The following VWA8 variants were observed in gnomAD, a reference collection of about 807,000 sequenced individuals.
The protein encoded by VWA8 is von Willebrand factor A domain containing 8, also known as von Willebrand factor A domain-containing protein 8.
A neutral mutation model predicts 241.5 loss-of-function variants in VWA8; 221 were observed. That is an observed-to-expected ratio of 0.91 (90% CI 0.82 to 1.02). The LOEUF is 1.02. VWA8 is among the 50% of genes least tolerant of loss of function. The probability of loss-of-function intolerance (pLI) is 0.00; values close to 1 mark genes in which losing one functional copy is unlikely to be tolerated. For missense variants in VWA8, 2,322 were observed against 2,328.7 expected (o/e 1.00, Z 0.06); for synonymous variants, 852 against 827.1 (o/e 1.03, Z -0.52).
Position 41,691,929 on chromosome 13 carries a change from T to C in VWA8, c.3685A>G (p.Lys1229Glu). ...TTGTGTGAAAATTCTTTACACATTT[T>C]ATAAGTTTCCTAAAGACAAACAAAA... is the stretch of plus-strand genomic sequence containing the variant. ...WWNKEEAETY[K>E]MCKEFSHKNW... is the part of the protein sequence containing the mutation. Residue 1229 changes from lysine (K) to glutamate (E), a missense_variant, in exon 31 of 45, where the codon AAA becomes GAA. Transcript: ENST00000379310. 6.2e-7 allele frequency: 1 copy of C among 1,608,128 alleles called. No individual in the cohort carries two copies. Among genetic ancestry groups the C allele is most frequent in the Non-Finnish European group, 8.5e-7 (1 of 1,175,250 alleles).
chr13:41,794,085 C>CT (rs918533724), intron 17 of VWA8, among the ~76,000 whole-genome samples: 15 of 147,672 alleles, frequency 1.0e-4, no homozygotes, highest in East Asian at 6.0e-4. Flanking sequence ...TTGTCTCCAG[C>CT]TTTTTTTTTT....
At position 41,709,749 on chromosome 13, in the gene VWA8, C is replaced by T. The variant is rs531334476; in HGVS notation, c.3117-6338G>A. ...TGTGGCTCTAACTTCACATGAGTCACTCTGTCTCTCTGTCTCTCTCTCTTT... is the reference window on the plus strand; with the variant it reads ...TGTGGCTCTAACTTCACATGAGTCATTCTGTCTCTCTGTCTCTCTCTCTTT... On this transcript the variant is annotated intron_variant, in intron 26 of 44. Coordinates refer to ENST00000379310, the MANE Select transcript of VWA8 (RefSeq NM_015058.2). Among the ~76,000 whole-genome samples, 50 of 151,184 alleles carry T rather than the reference C, an allele frequency of 3.3e-4. 1 individual carries two copies. The South Asian group carries it at 0.01, about 31-fold the overall frequency.
At chr13:41,922,508 T>G (rs1176889184) in intron 2 of VWA8, among the ~76,000 whole-genome samples, 1 of 152,092 alleles carries the variant, frequency 6.6e-6, no homozygotes, top group Admixed American at 6.6e-5. Context: ...ACCTACAGAA[T>G]GGGAGAAAAT....
intron 2 of VWA8, among the ~76,000 whole-genome samples, chr13:41,944,132 T>TAATA (rs1555246630): frequency 1.3e-5 from 2 of 149,488 alleles, no homozygotes; most frequent in South Asian, 2.1e-4. Context: ...ATAATAATAA[T>TAATA]AATAAATAAA....
At chr13:41,837,222 T>C (rs1488293723) in intron 12 of VWA8, among the ~76,000 whole-genome samples, 1 of 152,100 alleles carries the variant, frequency 6.6e-6, no homozygotes, top group Admixed American at 6.5e-5. Flanking sequence ...CAATTTCTAA[T>C]AAACCTTTGC....
chr13:41,814,431 T>C (rs1870601417), intron 16 of VWA8, among the ~76,000 whole-genome samples: 1 of 152,024 alleles, frequency 6.6e-6, no homozygotes. Context: ...CTAGGCATTA[T>C]CTAAGGCAGA....
At chr13:41,876,781 C>T (rs974703292) in intron 9 of VWA8, among the ~76,000 whole-genome samples, 3 of 151,816 alleles carry the variant, frequency 2.0e-5, no homozygotes, top group South Asian at 2.1e-4. Context: ...GAAACAGTTG[C>T]TATTACTTTC....
At chr13:41,841,331 T>C (rs1428152511) in intron 12 of VWA8, among the ~76,000 whole-genome samples, 1 of 152,212 alleles carries the variant, frequency 6.6e-6, no homozygotes, top group Non-Finnish European at 1.5e-5. Context: ...GTGACTATGA[T>C]GCTAACCACT....
At chr13:41,703,637 C>A (rs1348075511) in intron 26 of VWA8, among the ~76,000 whole-genome samples, 3 of 152,138 alleles carry the variant, frequency 2.0e-5, no homozygotes, top group Non-Finnish European at 1.5e-5. Context: ...AAGGCAAGGT[C>A]CTGTTTTTAC....
chr13:41,714,048 C>T (rs986963909), intron 26 of VWA8, among the ~76,000 whole-genome samples: 5 of 151,954 alleles, frequency 3.3e-5, no homozygotes, highest in Admixed American at 3.3e-4. Flanking sequence ...AGGAAAAAGT[C>T]TAGAAGGATC....
chr13:41,745,736 A>G (rs1265309937), intron 21 of VWA8, among the ~76,000 whole-genome samples: 2 of 152,208 alleles, frequency 1.3e-5, no homozygotes, highest in Non-Finnish European at 2.9e-5. Context: ...GTGGAGAAAT[A>G]GGAACACTTT....
At chr13:41,664,678 A>C (rs992315241) in intron 37 of VWA8, among the ~76,000 whole-genome samples, 1 of 152,050 alleles carries the variant, frequency 6.6e-6, no homozygotes, top group Non-Finnish European at 1.5e-5. Flanking sequence ...TAATCTTCCA[A>C]ATTTCAGTGC....
intron 37 of VWA8, among the ~76,000 whole-genome samples, chr13:41,628,439 T>C (rs2044706813): frequency 1.3e-5 from 2 of 152,184 alleles, no homozygotes; most frequent in African/African-American, 4.8e-5. Context: ...AAAGTGCATA[T>C]AAATTATGCA....
intron 26 of VWA8, among the ~76,000 whole-genome samples, chr13:41,717,114 T>C (rs1258613425): frequency 6.6e-6 from 1 of 151,918 alleles, no homozygotes; most frequent in Non-Finnish European, 1.5e-5. Flanking sequence ...TTACTGATGA[T>C]CCACAATGAA....
intron 9 of VWA8, among the ~76,000 whole-genome samples, chr13:41,878,305 T>C (rs923326790): frequency 6.6e-6 from 1 of 152,062 alleles, no homozygotes; most frequent in African/African-American, 2.4e-5. Flanking sequence ...CACCCACCTA[T>C]AAATATTAGC....
chr13:41,956,563 C>T (rs1176262565), intron 1 of VWA8, among the ~76,000 whole-genome samples: 2 of 152,180 alleles, frequency 1.3e-5, no homozygotes, highest in Non-Finnish European at 2.9e-5. Context: ...AGGTTCAATA[C>T]CTGATAAATA....
chr13:41,709,039 G>A (rs907364978), intron 26 of VWA8, among the ~76,000 whole-genome samples: 12 of 151,726 alleles, frequency 7.9e-5, no homozygotes, highest in Non-Finnish European at 1.2e-4. Context: ...TTTTCTAATC[G>A]TCCACGACAA....
chr13:41,924,086 A>G (rs1452183380), intron 2 of VWA8, among the ~76,000 whole-genome samples: 1 of 152,188 alleles, frequency 6.6e-6, no homozygotes, highest in East Asian at 1.9e-4. Flanking sequence ...CAAATGGCCT[A>G]AAAAGGAACT....
rs371382208 is a variant in VWA8, at chr13:41,703,819, C to T, written c.3117-408G>A. On this transcript the variant is annotated intron_variant, in intron 26 of 44. Coordinates refer to ENST00000379310, the MANE Select transcript of VWA8 (RefSeq NM_015058.2). The stretch of plus-strand genomic sequence containing the variant: ...TGAGACGAAGTTTCACTCTTGTTGC[C>T]CAGACTGGAGTGCAGTTGTGTGATA... 1.4e-3 allele frequency among the ~76,000 whole-genome samples: 214 copies of T among 150,652 alleles called. 2 individuals carry two copies. Among genetic ancestry groups the T allele is most frequent in the African/African-American group, 5.1e-3 (210 of 40,972 alleles).
Sources: gnomAD v4.1 joint callset for allele counts (sites outside exome capture counted in the v4.1 genomes callset) on GRCh38, gnomAD v4.1.1 for gene constraint, MANE v1.5 for transcripts, NCBI Gene and HGNC (gene_info 2026-07-23, HGNC 2026-07-21) for gene names.